Variants in NCAM2 observed in about 807,000 individuals in gnomAD.
NCAM2 encodes N-CAM-2.
NCAM2 carries 30 observed loss-of-function variants against 98.1 expected under a neutral mutation model. That is an observed-to-expected ratio of 0.31 (90% CI 0.23 to 0.41). The LOEUF is 0.41. Among genes scored for constraint, NCAM2 ranks in the 10% least tolerant of loss-of-function variants. NCAM2 has a pLI of 1.00. For missense variants in NCAM2, 867 were observed against 1,005.8 expected (o/e 0.86, Z 1.87); for synonymous variants, 368 against 342.4 (o/e 1.07, Z -0.83).
At chr21:21,079,767 A>G (rs956513184) in intron 1 of NCAM2, among the ~76,000 whole-genome samples, 3 of 152,142 alleles carry the variant, frequency 2.0e-5, no homozygotes, top group Non-Finnish European at 2.9e-5. Flanking sequence ...TCCCATCTCT[A>G]TGACATTAAG....
intron 1 of NCAM2, among the ~76,000 whole-genome samples, chr21:21,129,595 G>C (rs988607078): frequency 1.3e-5 from 2 of 152,108 alleles, no homozygotes; most frequent in Non-Finnish European, 2.9e-5. Context: ...TAGATTCAGC[G>C]TCTGGTGAGG....
At chr21:21,200,022 G>GC (rs1204715507) in intron 1 of NCAM2, among the ~76,000 whole-genome samples, 2 of 152,022 alleles carry the variant, frequency 1.3e-5, no homozygotes, top group Admixed American at 6.6e-5. Context: ...CATGAAGACT[G>GC]CCCCCGAATT....
At chr21:21,504,203 G>A (rs1322807296) in intron 15 of NCAM2, among the ~76,000 whole-genome samples, 1 of 151,858 alleles carries the variant, frequency 6.6e-6, no homozygotes, top group African/African-American at 2.4e-5. Flanking sequence ...GAGTTAATTA[G>A]TGATTCACGT....
rs1276936513 is a variant in NCAM2 at position 21,477,384 on chromosome 21, G to A, written c.1990G>A (p.Val664Ile). ...EHLQWTMGYE[V>I]QITAANRLGY... is the part of the protein sequence containing the mutation. ...TCTCCAGTGGACCATGGGGTATGAA[G>A]TTCAGATTACAGCTGCCAATAGATT... Residue 664 changes from valine to isoleucine, a missense_variant, in exon 15 of 18, where the codon GTT (valine) becomes ATT (isoleucine). Transcript: ENST00000400546. The A allele has an allele frequency of 1.2e-6, 2 of 1,612,654 alleles. No homozygotes were observed. The highest frequency in any genetic ancestry group is 1.7e-5 in the Admixed American group (1 of 59,982).
chr21:21,475,893 T>C (rs2146256249), intron 14 of NCAM2, among the ~76,000 whole-genome samples: 1 of 152,038 alleles, frequency 6.6e-6, no homozygotes, highest in African/African-American at 2.4e-5. Flanking sequence ...ATAAAAGTTC[T>C]GTGTCACCAA....
At position 21,216,140 on chromosome 21, in the gene NCAM2, T is replaced by C. The variant is rs139529802; in HGVS notation, c.56-64438T>C. Reference sequence around the variant, plus strand: ...GCAGAGATAGTCAATAAATAACTAGTGGCTTTTGACTATGTGCCAGGCACT... The same window carrying C: ...GCAGAGATAGTCAATAAATAACTAGCGGCTTTTGACTATGTGCCAGGCACT... On this transcript the variant is annotated intron_variant, in intron 1 of 17. Transcript: ENST00000400546. Among the ~76,000 whole-genome samples the C allele has an allele frequency of 2.1e-3, 319 of 152,272 alleles. 2 individuals carry two copies. Among genetic ancestry groups the C allele is most frequent in the African/African-American group, 7.0e-3 (292 of 41,568 alleles).
chr21:21,455,592 A>G (rs1982027161), intron 12 of NCAM2, among the ~76,000 whole-genome samples: 1 of 152,052 alleles, frequency 6.6e-6, no homozygotes, highest in Non-Finnish European at 1.5e-5. Context: ...AATAACGTGT[A>G]ATCTTTCAAA....
chr21:21,500,693 G>C (rs1987571512), intron 15 of NCAM2, among the ~76,000 whole-genome samples: 1 of 152,022 alleles, frequency 6.6e-6, no homozygotes, highest in African/African-American at 2.4e-5. Context: ...AATTATCTAT[G>C]TAGTTTAACT....
chr21:21,339,603 T>C (rs1422242877), intron 8 of NCAM2, among the ~76,000 whole-genome samples: 4 of 151,900 alleles, frequency 2.6e-5, no homozygotes, highest in Non-Finnish European at 1.5e-5. Context: ...ATTAACTTTA[T>C]TTAGGTAAAG....
At chr21:21,401,251 T>A (rs1377404278) in intron 9 of NCAM2, among the ~76,000 whole-genome samples, 1 of 151,770 alleles carries the variant, frequency 6.6e-6, no homozygotes, top group Middle Eastern at 3.2e-3. Flanking sequence ...AGTGTGATAT[T>A]TTCATATATG....
intron 5 of NCAM2, among the ~76,000 whole-genome samples, chr21:21,295,791 C>T (rs894818394): frequency 6.6e-6 from 1 of 151,424 alleles, no homozygotes; most frequent in Non-Finnish European, 1.5e-5. Flanking sequence ...ATCATACACA[C>T]ACACACAAAA....
intron 1 of NCAM2, among the ~76,000 whole-genome samples, chr21:21,206,621 G>A (rs2069447414): frequency 1.3e-5 from 2 of 151,984 alleles, no homozygotes; most frequent in African/African-American, 2.4e-5. Flanking sequence ...TGTTTTTATG[G>A]CTTTAGGTTA....
chr21:21,420,346 T>A (rs1049991351), intron 11 of NCAM2, among the ~76,000 whole-genome samples: 4 of 152,004 alleles, frequency 2.6e-5, no homozygotes, highest in Non-Finnish European at 5.9e-5. Context: ...TACTTATTTA[T>A]AAAATTTGCC....
chr21:21,364,970 G>A (rs1239340611), intron 8 of NCAM2, among the ~76,000 whole-genome samples: 1 of 152,098 alleles, frequency 6.6e-6, no homozygotes, highest in Admixed American at 6.6e-5. Flanking sequence ...GAGAAGAGAA[G>A]CATGTGATGT....
intron 12 of NCAM2, among the ~76,000 whole-genome samples, chr21:21,458,180 C>T (rs1368730550): frequency 6.6e-6 from 1 of 152,212 alleles, no homozygotes; most frequent in African/African-American, 2.4e-5. Flanking sequence ...AGCACTACGC[C>T]TCTCATTGTC....
intron 1 of NCAM2, chr21:21,210,639 C>A: frequency 1.6e-6 from 2 of 1,283,978 alleles, no homozygotes; most frequent in East Asian, 5.6e-5. Context: ...ACTGGAAATA[C>A]AACGAAGCAC....
intron 6 of NCAM2, among the ~76,000 whole-genome samples, chr21:21,330,160 T>G (rs549872746): frequency 6.6e-6 from 1 of 152,220 alleles, no homozygotes; most frequent in Admixed American, 6.5e-5. Flanking sequence ...ATTTCTGGTT[T>G]TATTTTTATT....
chr21:21,490,572 T>C (rs1356021908), intron 15 of NCAM2, among the ~76,000 whole-genome samples: 1 of 151,924 alleles, frequency 6.6e-6, no homozygotes, highest in Non-Finnish European at 1.5e-5. Flanking sequence ...ATTTTTATTT[T>C]TATTCTATGT....
chr21:21,115,782 G>T (rs1031771055), intron 1 of NCAM2, among the ~76,000 whole-genome samples: 1 of 152,104 alleles, frequency 6.6e-6, no homozygotes, highest in African/African-American at 2.4e-5. Flanking sequence ...TTAATTATAA[G>T]TTCAAAACAG....
Sources: gnomAD v4.1 joint callset for allele counts (sites outside exome capture counted in the v4.1 genomes callset) on GRCh38, gnomAD v4.1.1 for gene constraint, MANE v1.5 for transcripts, NCBI Gene and HGNC (gene_info 2026-07-23, HGNC 2026-07-21) for gene names.